The following CCDC178 variants were observed in gnomAD, a reference collection of about 807,000 sequenced individuals.
CCDC178 encodes coiled-coil domain containing 178, also known as coiled-coil domain-containing protein 178.
CCDC178 carries 126 observed loss-of-function variants against 117.4 expected under a neutral mutation model. The observed-to-expected ratio is 1.07, with a 90% CI of 0.93 to 1.24. The LOEUF (loss-of-function observed/expected upper bound fraction) is 1.24, where lower values mean the gene tolerates loss of function less well. CCDC178 is among the 50% of genes most tolerant of loss of function. The pLI is 0.00. For synonymous variants in CCDC178, 283 were observed against 313.4 expected (o/e 0.90, Z 1.02); for missense variants, 1,030 against 986.9 (o/e 1.04, Z -0.59).
At chr18:33,303,994 A>G (rs2062215414) in intron 11 of CCDC178, among the ~76,000 whole-genome samples, 1 of 152,126 alleles carries the variant, frequency 6.6e-6, no homozygotes, top group Non-Finnish European at 1.5e-5. Context: ...TATTTTTCCC[A>G]GAAGCATGCC....
chr18:32,949,770 G>A (rs746714040), intron 22 of CCDC178, among the ~76,000 whole-genome samples: 3 of 152,024 alleles, frequency 2.0e-5, no homozygotes, highest in Non-Finnish European at 4.4e-5. Flanking sequence ...TGGATTTGAT[G>A]TTTCCTTGGA....
chr18:33,363,265 C>T (rs1003621947), intron 6 of CCDC178, among the ~76,000 whole-genome samples: 2 of 151,902 alleles, frequency 1.3e-5, no homozygotes, highest in Admixed American at 6.6e-5. Context: ...TACGAAACTT[C>T]AAAGTTTTCA....
intron 22 of CCDC178, among the ~76,000 whole-genome samples, chr18:32,966,918 T>C (rs151259486): frequency 0.012 from 1,885 of 151,954 alleles, 21 homozygotes; most frequent in Non-Finnish European, 0.018. Flanking sequence ...GAAAATATAC[T>C]TTAGATTGCC....
intron 20 of CCDC178, among the ~76,000 whole-genome samples, chr18:33,206,642 A>C (rs961195774): frequency 6.6e-6 from 1 of 152,102 alleles, no homozygotes; most frequent in Non-Finnish European, 1.5e-5. Flanking sequence ...CTCAAAAGGA[A>C]TTAGTAAACA....
At chr18:33,331,026 C>CTTTTTTTTTTGTTTTTTTTT (rs2062660871) in intron 10 of CCDC178, among the ~76,000 whole-genome samples, 1 of 45,060 alleles carries the variant, frequency 2.2e-5, no homozygotes, top group African/African-American at 1.3e-4. Flanking sequence ...ACAAACATTG[C>CTTTTTTTTTTGTTTTTTTTT]TTTTTTTTTT....
intron 21 of CCDC178, among the ~76,000 whole-genome samples, chr18:32,997,260 G>C (rs1473721330): frequency 2.0e-5 from 3 of 152,226 alleles, no homozygotes; most frequent in South Asian, 2.1e-4. Context: ...TAGTTAAAAG[G>C]CTAATTTATT....
chr18:33,330,779 G>T (rs2062656979), intron 10 of CCDC178, among the ~76,000 whole-genome samples: 1 of 152,092 alleles, frequency 6.6e-6, no homozygotes, highest in Non-Finnish European at 1.5e-5. Flanking sequence ...ATTCCTTCTT[G>T]CTCAGAGGAG....
intron 5 of CCDC178, among the ~76,000 whole-genome samples, chr18:33,376,509 G>T (rs1028062838): frequency 5.3e-5 from 8 of 152,072 alleles, no homozygotes; most frequent in Admixed American, 5.2e-4. Flanking sequence ...CAGGTATATG[G>T]TGTAATGCTG....
chr18:33,310,264 G>A (rs1480446683), intron 11 of CCDC178, among the ~76,000 whole-genome samples: 2 of 152,092 alleles, frequency 1.3e-5, no homozygotes, highest in African/African-American at 4.8e-5. Flanking sequence ...ACAATGACTG[G>A]TTATTCTAAA....
At chr18:32,942,968 C>G (rs2054272975) in intron 22 of CCDC178, among the ~76,000 whole-genome samples, 1 of 151,980 alleles carries the variant, frequency 6.6e-6, no homozygotes, top group Admixed American at 6.6e-5. Flanking sequence ...CATTATATTG[C>G]CAGATTTTAA....
At chr18:33,189,561 T>C (rs2058834467) in intron 20 of CCDC178, among the ~76,000 whole-genome samples, 2 of 152,188 alleles carry the variant, frequency 1.3e-5, no homozygotes, top group South Asian at 4.1e-4. Context: ...CAAGGAATGT[T>C]ACTTAGTCAA....
chr18:32,958,065 A>T, intron 22 of CCDC178: 1 of 351,394 alleles, frequency 2.8e-6, no homozygotes, highest in East Asian at 4.0e-5. Context: ...TGAACTACTG[A>T]GCCAAGTCAG....
At chr18:33,057,088 G>A (rs2056843479) in intron 21 of CCDC178, among the ~76,000 whole-genome samples, 1 of 151,044 alleles carries the variant, frequency 6.6e-6, no homozygotes. Context: ...CAGAATAAAA[G>A]ACATTATTTA....
At chr18:33,093,934 G>C (rs907094713) in intron 20 of CCDC178, among the ~76,000 whole-genome samples, 4 of 151,930 alleles carry the variant, frequency 2.6e-5, no homozygotes, top group Non-Finnish European at 5.9e-5. Context: ...CCATTGTGAA[G>C]CAATTAAAAT....
chr18:33,316,368 G>A (rs1408169737), intron 11 of CCDC178, among the ~76,000 whole-genome samples: 3 of 152,170 alleles, frequency 2.0e-5, no homozygotes. Flanking sequence ...ACCTGGGCGG[G>A]CAGCTGCTGC....
intron 21 of CCDC178, among the ~76,000 whole-genome samples, chr18:32,974,996 C>T (rs2055003317): frequency 6.6e-6 from 1 of 152,148 alleles, no homozygotes; most frequent in African/African-American, 2.4e-5. Context: ...CCCAGTTTAA[C>T]TCAAAACCGA....
chr18:33,134,641 A>G (rs2063648348), intron 20 of CCDC178, among the ~76,000 whole-genome samples: 1 of 152,072 alleles, frequency 6.6e-6, no homozygotes, highest in African/African-American at 2.4e-5. Flanking sequence ...ATTAGAAATG[A>G]CCAAAATGTC....
At chr18:33,265,719 G>A (rs1266883764) in intron 14 of CCDC178, among the ~76,000 whole-genome samples, 3 of 151,848 alleles carry the variant, frequency 2.0e-5, no homozygotes, top group African/African-American at 7.3e-5. Flanking sequence ...TTTCACCCCT[G>A]TTAAAATTCA....
intron 20 of CCDC178, among the ~76,000 whole-genome samples, chr18:33,101,772 A>C (rs1051678873): frequency 8.6e-5 from 13 of 151,990 alleles, no homozygotes; most frequent in Non-Finnish European, 1.9e-4. Flanking sequence ...AGAAAAACTG[A>C]TCTAAGGGGT....
Sources: gnomAD v4.1 joint callset for allele counts (sites outside exome capture counted in the v4.1 genomes callset) on GRCh38, gnomAD v4.1.1 for gene constraint, MANE v1.5 for transcripts, NCBI Gene and HGNC (gene_info 2026-07-23, HGNC 2026-07-21) for gene names.